REV3L: variants seen among roughly 807,000 people sequenced by gnomAD.
REV3L encodes DNA polymerase zeta catalytic subunit.
In REV3L, 69 loss-of-function variants were observed where a neutral mutation model predicts 299.4. The ratio of observed to expected loss-of-function variants is 0.23; its 90% CI spans 0.19 to 0.28. REV3L has a LOEUF of 0.28. Ranked by LOEUF, REV3L falls within the 10% of genes least tolerant of loss-of-function variation. REV3L has a pLI of 1.00. For synonymous variants in REV3L, 1,238 were observed against 1,271.4 expected (o/e 0.97, Z 0.56); for missense variants, 3,128 against 3,693.8 (o/e 0.85, Z 3.97).
intron 4 of REV3L, among the ~76,000 whole-genome samples, chr6:111,395,923 T>G (rs1782451880): frequency 6.6e-6 from 1 of 152,240 alleles, no homozygotes; most frequent in Non-Finnish European, 1.5e-5. Flanking sequence ...ATCAAATAAC[T>G]TTTCTGTGTT....
chr6:111,315,469 GT>G, intron 26 of REV3L, 88 bp from the exon 27 acceptor site: 1 of 920,622 alleles, frequency 1.1e-6, no homozygotes, highest in South Asian at 1.5e-5. Flanking sequence ...TATGACTCTT[GT>G]CTAATGCCAA....
intron 1 of REV3L, among the ~76,000 whole-genome samples, chr6:111,435,464 C>G (rs1787440863): frequency 6.6e-6 from 1 of 152,076 alleles, no homozygotes; most frequent in Non-Finnish European, 1.5e-5. Context: ...AACAGACATA[C>G]AGACCAATGA....
chr6:111,446,283 G>A (rs1033789341), intron 1 of REV3L, among the ~76,000 whole-genome samples: 2 of 152,166 alleles, frequency 1.3e-5, no homozygotes, highest in Admixed American at 6.5e-5. Context: ...TATTAATAGA[G>A]TAACAATATA....
At chr6:111,468,384 G>A (rs980874124) in intron 1 of REV3L, among the ~76,000 whole-genome samples, 1 of 152,208 alleles carries the variant, frequency 6.6e-6, no homozygotes, top group African/African-American at 2.4e-5. Context: ...TCAATTTACA[G>A]ATGGAGATGA....
At chr6:111,458,466 C>A (rs1363612854) in intron 1 of REV3L, among the ~76,000 whole-genome samples, 1 of 151,976 alleles carries the variant, frequency 6.6e-6, no homozygotes, top group Non-Finnish European at 1.5e-5. Context: ...TAAAAGGTAT[C>A]CAGATAGGAA....
intron 1 of REV3L, among the ~76,000 whole-genome samples, chr6:111,461,642 AGAG>A (rs1202211455): frequency 6.6e-6 from 1 of 152,074 alleles, no homozygotes; most frequent in African/African-American, 2.4e-5. Context: ...TAAAAGATGA[AGAG>A]GAGAAATGGG....
chr6:111,313,481 C>G lies in REV3L; in HGVS notation c.8475G>C (p.Leu2825Phe), dbSNP rs755296498. ...TCTTTTTTGTTTGTAAAACACAGGG[C>G]AAATATACCTGTGGTAAAATTAATA... ...PVKLKFEKVYLPCVLQTKKRY... is the reference protein window; with the variant it reads ...PVKLKFEKVYFPCVLQTKKRY... The change falls in exon 28 of 32, where the codon TTG becomes TTC. Residue 2825 changes from leucine (L) to phenylalanine (F), a missense_variant. This residue lies in a region of REV3L where 294 missense variants were observed against 377.0 expected (regional missense o/e 0.78). Transcript: ENST00000368802. 3 of 1,601,636 alleles carry G rather than the reference C, an allele frequency of 1.9e-6. No homozygotes were observed. Among genetic ancestry groups the G allele is most frequent in the Admixed American group, 1.8e-5 (1 of 57,044 alleles).
chr6:111,433,468 A>G (rs1216032200), intron 1 of REV3L, among the ~76,000 whole-genome samples: 1 of 152,160 alleles, frequency 6.6e-6, no homozygotes, highest in Non-Finnish European at 1.5e-5. Context: ...CCTAGAAGAA[A>G]TGGATAATTT....
chr6:111,461,545 T>C (rs1052560043), intron 1 of REV3L, among the ~76,000 whole-genome samples: 1 of 152,018 alleles, frequency 6.6e-6, no homozygotes, highest in African/African-American at 2.4e-5. Context: ...ATAAAATCTA[T>C]AGCAATATAC....
At chr6:111,436,510 T>G (rs1787572628) in intron 1 of REV3L, among the ~76,000 whole-genome samples, 1 of 152,062 alleles carries the variant, frequency 6.6e-6, no homozygotes, top group South Asian at 2.1e-4. Context: ...TCATTATATG[T>G]TAAGTGAAAA....
In REV3L at chr6:111,482,946, C is replaced by G. The variant is rs563134147; in HGVS notation, c.-58G>C. 2.1e-6 allele frequency: 3 copies of G among 1,458,006 alleles called. No individual in the cohort carries two copies. The highest frequency in any genetic ancestry group is 2.7e-6 in the Non-Finnish European group (3 of 1,112,740). The allele number at this position is 1,458,006 out of a possible 1,614,324, so 90.3% of individuals were successfully genotyped here. On this transcript the variant is annotated 5_prime_UTR_variant, in exon 1 of 32. Transcript: ENST00000368802. The stretch of plus-strand genomic sequence containing the variant: ...GGCGACCCGGCAGCGGCAGCAGCAG[C>G]GGCGGCGGCTCCCTCCGCAGCGGCG...
At chr6:111,443,110 A>T (rs1467741442) in intron 1 of REV3L, among the ~76,000 whole-genome samples, 1 of 152,056 alleles carries the variant, frequency 6.6e-6, no homozygotes, top group African/African-American at 2.4e-5. Flanking sequence ...TTTTATTCAC[A>T]AGACTTTCTC....
chr6:111,432,628 G>C (rs1787073648), intron 1 of REV3L, among the ~76,000 whole-genome samples: 1 of 152,200 alleles, frequency 6.6e-6, no homozygotes, highest in South Asian at 2.1e-4. Context: ...CCCATTTTCA[G>C]TAATGGACAG....
At chr6:111,342,297 A>C (rs1776572847) in intron 21 of REV3L, among the ~76,000 whole-genome samples, 1 of 152,162 alleles carries the variant, frequency 6.6e-6, no homozygotes, top group South Asian at 2.1e-4. Flanking sequence ...ACTTGGGCCC[A>C]GGACCTGCCA....
At chr6:111,483,277 G>A (rs917051486), upstream of REV3L, 34 of 479,626 alleles carry the variant, frequency 7.1e-5, no homozygotes, top group African/African-American at 2.5e-4. Flanking sequence ...GAGGCTGCGA[G>A]TAGTGCGGGG....
intron 1 of REV3L, chr6:111,431,686 C>T (rs1582968768): frequency 1.0e-6 from 1 of 954,720 alleles, no homozygotes; most frequent in East Asian, 2.4e-5. Flanking sequence ...GATTTCCATT[C>T]CTTCCCCCGT....
chr6:111,412,680 C>T (rs1301820126), intron 2 of REV3L, among the ~76,000 whole-genome samples: 2 of 150,778 alleles, frequency 1.3e-5, no homozygotes, highest in South Asian at 2.1e-4. Context: ...AAATAAAGGA[C>T]TAATTTGGTA....
intron 1 of REV3L, among the ~76,000 whole-genome samples, chr6:111,439,145 C>T (rs1374375371): frequency 6.6e-6 from 1 of 152,152 alleles, no homozygotes; most frequent in African/African-American, 2.4e-5. Context: ...TTTTAACAGG[C>T]ATTTCTCACT....
chr6:111,479,578 T>C (rs1369565195), intron 1 of REV3L, among the ~76,000 whole-genome samples: 3 of 150,366 alleles, frequency 2.0e-5, no homozygotes, highest in East Asian at 2.0e-4. Context: ...GGCGTGATCT[T>C]GGCTCACTGC....
Sources: allele counts gnomAD v4.1 joint callset (sites outside exome capture counted in the v4.1 genomes callset), GRCh38; gene constraint gnomAD v4.1.1; regional missense constraint gnomAD v4.1.1; transcripts MANE v1.5; gene names NCBI Gene and HGNC (gene_info 2026-07-23, HGNC 2026-07-21).